EXOC2: variants seen among roughly 807,000 people sequenced by gnomAD.
EXOC2 encodes SEC5-like 1.
EXOC2 carries 70 observed loss-of-function variants against 131.8 expected under a neutral mutation model. That is an observed-to-expected ratio of 0.53 (90% confidence interval 0.44 to 0.65). EXOC2 has a LOEUF of 0.65. Ranked by LOEUF, EXOC2 falls within the 30% of genes least tolerant of loss-of-function variation. The pLI, the probability that EXOC2 is intolerant of heterozygous loss-of-function variation, is 0.00. For synonymous variants in EXOC2, 411 were observed against 398.4 expected (o/e 1.03, Z -0.38); for missense variants, 923 against 1,108.6 (o/e 0.83, Z 2.38).
chr6:564,912 G>A lies in EXOC2; in HGVS notation c.1461C>T (p.Gly487=). The A allele has an allele frequency of 1.2e-6, 2 of 1,610,016 alleles. No homozygotes were observed. The highest frequency in any genetic ancestry group is 1.7e-6 in the Non-Finnish European group (2 of 1,178,766). ...SLFSETAEKS[G]QIERSKNVRQ... Reference sequence around the variant, plus strand: ...TTACATTCTTTGATCTTTCAATCTGGCCTGACTTCTCAGCAGTCTTAAAAA... The same window carrying A: ...TTACATTCTTTGATCTTTCAATCTGACCTGACTTCTCAGCAGTCTTAAAAA... Residue 487 remains glycine, a synonymous_variant, in exon 14 of 28, where the codon GGC becomes GGT. Transcript: ENST00000230449.
rs1454445569 is a variant in EXOC2 at position 667,269 on chromosome 6, T to C, written c.-44+25750A>G. On this transcript the variant is annotated intron_variant, in intron 1 of 27. Transcript: ENST00000230449. ...AGTGTTTCTTACAAGGAAGGTTTACTGGTAACAAATTTCCTCAACTTTTGT... is the reference window on the plus strand; with the variant it reads ...AGTGTTTCTTACAAGGAAGGTTTACCGGTAACAAATTTCCTCAACTTTTGT... 2.0e-5 allele frequency among the ~76,000 whole-genome samples: 2 copies of C among 98,140 alleles called. 1 individual carries two copies. The highest frequency in any genetic ancestry group is 4.8e-5 in the Non-Finnish European group (2 of 41,308). The allele number at this position is 98,140 out of a possible 152,430, so 64.4% of individuals were successfully genotyped here.
intron 4 of EXOC2, 144 bp from the exon 5 acceptor site, chr6:619,687 T>A (rs1761188843): frequency 1.9e-6 from 1 of 540,410 alleles, no homozygotes; most frequent in Admixed American, 3.0e-5. Flanking sequence ...AGAACATGTT[T>A]GTATATATGT....
At chr6:657,007 G>A (rs1763156217) in intron 1 of EXOC2, 3 of 1,319,712 alleles carry the variant, frequency 2.3e-6, no homozygotes, top group South Asian at 1.6e-5. Context: ...AAGCCCTTCC[G>A]GTCCGCTGGG....
At chr6:492,569 A>G (rs1023494305) in intron 25 of EXOC2, among the ~76,000 whole-genome samples, 6 of 152,230 alleles carry the variant, frequency 3.9e-5, no homozygotes, top group Non-Finnish European at 8.8e-5. Context: ...ATTATATGTA[A>G]AAAGAAGCGA....
At chr6:507,187 ACCC>A (rs36153435) in intron 23 of EXOC2, among the ~76,000 whole-genome samples, 1 of 15,100 alleles carries the variant, frequency 6.6e-5, no homozygotes, top group Non-Finnish European at 1.7e-4. Context: ...CACAGCAGTG[ACCC>A]CCCCCACACA....
chr6:533,272 A>G (rs780319015), intron 22 of EXOC2, among the ~76,000 whole-genome samples: 1 of 151,984 alleles, frequency 6.6e-6, no homozygotes, highest in Admixed American at 6.5e-5. Flanking sequence ...AAGAGGCATT[A>G]TAAATACTAA....
At position 675,611 on chromosome 6, in the gene EXOC2, T is replaced by C. The variant is rs55995225; in HGVS notation, c.-44+17408A>G. 2.8e-4 allele frequency among the ~76,000 whole-genome samples: 10 copies of C among 35,932 alleles called. No individual in the cohort carries two copies. In the Admixed American group the frequency reaches 3.9e-3, roughly 14 times the overall value. 23.6% of individuals were successfully genotyped at this position (35,932 alleles called of 152,430 possible). On this transcript the variant is annotated intron_variant, in intron 1 of 27. Coordinates refer to ENST00000230449, the MANE Select transcript of EXOC2 (RefSeq NM_018303.6). ...CTCCTCTGGCAACTGCGGTTCCCCA[T>C]ACTCTTCAGCATTACAGAAAGGACA...
At chr6:582,711 C>CT (rs1758981434) in intron 11 of EXOC2, among the ~76,000 whole-genome samples, 1 of 151,840 alleles carries the variant, frequency 6.6e-6, no homozygotes, top group Non-Finnish European at 1.5e-5. Flanking sequence ...GATAAAAATG[C>CT]TTTTTGATCT....
intron 17 of EXOC2, among the ~76,000 whole-genome samples, chr6:558,004 C>T (rs1757514274): frequency 6.6e-6 from 1 of 151,478 alleles, no homozygotes; most frequent in African/African-American, 2.4e-5. Flanking sequence ...ATGGGGTAGG[C>T]GGCCGGGCTT....
intron 4 of EXOC2, among the ~76,000 whole-genome samples, chr6:622,002 C>G (rs565279514): frequency 6.6e-6 from 1 of 152,096 alleles, no homozygotes; most frequent in African/African-American, 2.4e-5. Context: ...GCTAAGTGAC[C>G]CAGAAGTGCC....
At chr6:682,460 A>C (rs553297762) in intron 1 of EXOC2, among the ~76,000 whole-genome samples, 1 of 152,204 alleles carries the variant, frequency 6.6e-6, no homozygotes, top group East Asian at 1.9e-4. Flanking sequence ...TTGGCCTCTC[A>C]AAGTGCTGGG....
chr6:642,172 A>G (rs1192953463), intron 1 of EXOC2, among the ~76,000 whole-genome samples: 4 of 152,178 alleles, frequency 2.6e-5, no homozygotes, highest in African/African-American at 9.7e-5. Flanking sequence ...ATCTTTACCA[A>G]TATTTCAAGT....
At chr6:685,362 T>C (rs1294744947) in intron 1 of EXOC2, among the ~76,000 whole-genome samples, 1 of 152,156 alleles carries the variant, frequency 6.6e-6, no homozygotes, top group East Asian at 1.9e-4. Context: ...CCATAAAATA[T>C]AATCAAAGTA....
intron 1 of EXOC2, among the ~76,000 whole-genome samples, chr6:658,669 T>TATATATATATATATATATATATA (rs1763271898): frequency 9.5e-6 from 1 of 104,946 alleles, no homozygotes; most frequent in African/African-American, 3.7e-5. Flanking sequence ...ATATATATTT[T>TATATATATATATATATATATATA]TTTTTTTTTT....
intron 17 of EXOC2, among the ~76,000 whole-genome samples, chr6:559,414 C>T (rs1019927215): frequency 6.6e-6 from 1 of 152,090 alleles, no homozygotes; most frequent in South Asian, 2.1e-4. Context: ...GAGGTCCACG[C>T]GGAATAGCTA....
intron 4 of EXOC2, among the ~76,000 whole-genome samples, chr6:626,839 C>T (rs1410604801): frequency 1.3e-5 from 2 of 152,016 alleles, no homozygotes; most frequent in African/African-American, 2.4e-5. Flanking sequence ...GTGATCCGCC[C>T]GCCTCGGCCT....
At chr6:656,906 T>C (rs758611110) in intron 1 of EXOC2, 6 of 1,558,262 alleles carry the variant, frequency 3.9e-6, no homozygotes, top group African/African-American at 2.8e-5. Flanking sequence ...TGAACAGCTC[T>C]AGACAGCCTT....
At chr6:616,265 T>C (rs550651313) in intron 6 of EXOC2, among the ~76,000 whole-genome samples, 141 of 152,312 alleles carry the variant, frequency 9.3e-4, no homozygotes, top group Non-Finnish European at 1.6e-3. Flanking sequence ...GAAGAGCACC[T>C]ACCTTCTCTG....
At chr6:526,184 C>T (rs1765724167) in intron 23 of EXOC2, among the ~76,000 whole-genome samples, 2 of 152,140 alleles carry the variant, frequency 1.3e-5, no homozygotes, top group South Asian at 2.1e-4. Flanking sequence ...CCAATTTACA[C>T]TCCTAGAAAG....
Sources: gnomAD v4.1 joint callset for allele counts (sites outside exome capture counted in the v4.1 genomes callset) on GRCh38, gnomAD v4.1.1 for gene constraint, MANE v1.5 for transcripts, NCBI Gene and HGNC (gene_info 2026-07-23, HGNC 2026-07-21) for gene names.